Variants in FRMD4B observed in about 807,000 individuals in gnomAD.
FRMD4B encodes the protein FERM domain-containing protein 4B.
FRMD4B carries 74 observed loss-of-function variants against 141.5 expected under a neutral mutation model. That is an observed-to-expected ratio of 0.52 (90% CI 0.43 to 0.63). The LOEUF (loss-of-function observed/expected upper bound fraction) is 0.63, where lower values mean the gene tolerates loss of function less well. FRMD4B is among the 30% of genes least tolerant of loss of function. FRMD4B has a pLI of 0.00. For missense variants in FRMD4B, 1,366 were observed against 1,253.4 expected, an observed-to-expected ratio of 1.09 and a Z score of -1.36; for synonymous variants, 506 against 467.9, an observed-to-expected ratio of 1.08 and a Z score of -1.05.
At chr3:69,404,261 G>A (rs1056669501) in intron 2 of FRMD4B, among the ~76,000 whole-genome samples, 8 of 152,114 alleles carry the variant, frequency 5.3e-5, no homozygotes, top group African/African-American at 1.4e-4. Flanking sequence ...CAGTGTGAGT[G>A]TATTTTTGCC....
chr3:69,511,721 C>G (rs1706691621), intron 1 of FRMD4B, among the ~76,000 whole-genome samples: 1 of 152,184 alleles, frequency 6.6e-6, no homozygotes, highest in Admixed American at 6.5e-5. Context: ...TGAGACTCTT[C>G]CTATCCATTC....
intron 1 of FRMD4B, among the ~76,000 whole-genome samples, chr3:69,490,631 G>T (rs1356788404): frequency 6.6e-6 from 1 of 152,132 alleles, no homozygotes; most frequent in Non-Finnish European, 1.5e-5. Context: ...CACTGTATTT[G>T]TGTCATGGCA....
At chr3:69,293,843 T>C (rs1362450114) in intron 4 of FRMD4B, among the ~76,000 whole-genome samples, 1 of 122,572 alleles carries the variant, frequency 8.2e-6, no homozygotes, top group Non-Finnish European at 1.6e-5. Context: ...ATCCTGCCAC[T>C]GCACTCTAGC....
chr3:69,294,663 G>A (rs1700982205), intron 4 of FRMD4B, among the ~76,000 whole-genome samples: 1 of 152,172 alleles, frequency 6.6e-6, no homozygotes, highest in African/African-American at 2.4e-5. Context: ...TAGAAGAGCT[G>A]GAGGCCCAAA....
chr3:69,532,383 C>G (rs1175115029), intron 1 of FRMD4B, among the ~76,000 whole-genome samples: 1 of 152,148 alleles, frequency 6.6e-6, no homozygotes, highest in Non-Finnish European at 1.5e-5. Context: ...GTGCATCTAT[C>G]TGACATTTAA....
intron 1 of FRMD4B, among the ~76,000 whole-genome samples, chr3:69,383,955 T>C (rs1704186498): frequency 6.6e-6 from 1 of 151,814 alleles, no homozygotes; most frequent in South Asian, 2.1e-4. Context: ...GAGTGGGGAC[T>C]TATTTTTTTT....
chr3:69,524,079 C>T (rs951556271), intron 1 of FRMD4B, among the ~76,000 whole-genome samples: 2 of 152,194 alleles, frequency 1.3e-5, no homozygotes, highest in Non-Finnish European at 2.9e-5. Flanking sequence ...GATGACCCCC[C>T]ACCCTTCCAG....
chr3:69,509,239 C>T (rs1706648004), intron 1 of FRMD4B, among the ~76,000 whole-genome samples: 1 of 152,192 alleles, frequency 6.6e-6, no homozygotes. Context: ...TTATTACCTC[C>T]CCTGGAACGG....
intron 7 of FRMD4B, among the ~76,000 whole-genome samples, chr3:69,245,531 G>A (rs1437147592): frequency 1.3e-5 from 2 of 152,118 alleles, no homozygotes; most frequent in Non-Finnish European, 2.9e-5. Context: ...ATTTTTAGTA[G>A]AGACAAGGTT....
At chr3:69,380,261 C>T (rs116253662) in intron 1 of FRMD4B, among the ~76,000 whole-genome samples, 9 of 152,278 alleles carry the variant, frequency 5.9e-5, no homozygotes, top group East Asian at 1.9e-4. Context: ...ACCCCACACA[C>T]GCTGCTGTGG....
intron 1 of FRMD4B, among the ~76,000 whole-genome samples, chr3:69,482,789 G>A (rs939085219): frequency 6.6e-6 from 1 of 152,246 alleles, no homozygotes; most frequent in Admixed American, 6.5e-5. Flanking sequence ...CCCCCATAGG[G>A]GTGCCTAAAT....
At chr3:69,248,273 A>G (rs775422830) in intron 7 of FRMD4B, among the ~76,000 whole-genome samples, 4 of 152,144 alleles carry the variant, frequency 2.6e-5, no homozygotes, top group African/African-American at 4.8e-5. Context: ...ATATATATAT[A>G]TAGAGAGAGC....
At chr3:69,367,850 A>G (rs2107482731) in intron 1 of FRMD4B, among the ~76,000 whole-genome samples, 1 of 152,372 alleles carries the variant, frequency 6.6e-6, no homozygotes, top group Admixed American at 6.5e-5. Context: ...GAGAACAAAT[A>G]TCTTACATTT....
chr3:69,388,470 C>G (rs150475125), upstream of FRMD4B, among the ~76,000 whole-genome samples: 1 of 152,134 alleles, frequency 6.6e-6, no homozygotes, highest in African/African-American at 2.4e-5. Flanking sequence ...GCGATCAGAG[C>G]TTTCAGTTGG....
chr3:69,538,274 C>A (rs1309430617), intron 1 of FRMD4B, among the ~76,000 whole-genome samples: 2 of 151,834 alleles, frequency 1.3e-5, no homozygotes, highest in African/African-American at 4.8e-5. Context: ...TACCGAAGTA[C>A]CTTTTAGTAA....
intron 5 of FRMD4B, among the ~76,000 whole-genome samples, chr3:69,279,773 C>A: frequency 1.1e-5 from 1 of 90,654 alleles, no homozygotes; most frequent in South Asian, 5.3e-4. Context: ...CTCCTCCTCC[C>A]CTCCTCCTCT....
intron 4 of FRMD4B, chr3:69,293,086 C>T (rs1315494147): frequency 2.2e-6 from 1 of 446,742 alleles, no homozygotes; most frequent in Non-Finnish European, 4.5e-6. Context: ...TTGGCTTAAC[C>T]ACTCATTAGT....
At chr3:69,291,296 C>T (rs768831477) in intron 4 of FRMD4B, among the ~76,000 whole-genome samples, 1 of 152,174 alleles carries the variant, frequency 6.6e-6, no homozygotes, top group Non-Finnish European at 1.5e-5. Flanking sequence ...GTATTAAAAA[C>T]ACGGGGTCAA....
At chr3:69,183,036 G>A (rs1054262142) in intron 19 of FRMD4B, among the ~76,000 whole-genome samples, 2 of 152,188 alleles carry the variant, frequency 1.3e-5, no homozygotes, top group Non-Finnish European at 2.9e-5. Context: ...GTCCTTAGAT[G>A]ATCAAATCTT....
Sources: gnomAD v4.1 joint callset for allele counts (sites outside exome capture counted in the v4.1 genomes callset) on GRCh38, gnomAD v4.1.1 for gene constraint, MANE v1.5 for transcripts, NCBI Gene and HGNC (gene_info 2026-07-23, HGNC 2026-07-21) for gene names.